The following CRACD variants were observed in gnomAD, a reference collection of about 807,000 sequenced individuals.
The protein encoded by CRACD is capping protein inhibiting regulator of actin dynamics.
In CRACD, 56 loss-of-function variants were observed where a neutral mutation model predicts 106.8. The ratio of observed to expected loss-of-function variants is 0.52; its 90% CI spans 0.42 to 0.66. The LOEUF is 0.66. CRACD is among the 30% of genes least tolerant of loss of function. The probability of loss-of-function intolerance (pLI) is 0.00; values close to 1 mark genes in which losing one functional copy is unlikely to be tolerated. For synonymous variants in CRACD, 754 were observed against 670.8 expected, an observed-to-expected ratio of 1.12 and a Z score of -1.92; for missense variants, 1,730 against 1,623.2, an observed-to-expected ratio of 1.07 and a Z score of -1.13.
At chr4:56,288,309 C>T (rs775718270) in intron 3 of CRACD, among the ~76,000 whole-genome samples, 1 of 151,928 alleles carries the variant, frequency 6.6e-6, no homozygotes, top group Non-Finnish European at 1.5e-5. Flanking sequence ...TTACGTGATG[C>T]TGAGGTTTGA....
At position 56,052,618 on chromosome 4, in the gene CRACD, T is replaced by C. The variant is rs540488890; in HGVS notation, c.-336+3319T>C. Among the ~76,000 whole-genome samples, 6 of 152,358 alleles carry C rather than the reference T, an allele frequency of 3.9e-5. No homozygotes were observed. The East Asian group carries it at 9.6e-4, about 24-fold the overall frequency. Reference sequence around the variant, plus strand: ...GTTACTGTGTGCTAAGTAGTCTATTTATATATGTTATCTAATTTAGTTCTC... The same window carrying C: ...GTTACTGTGTGCTAAGTAGTCTATTCATATATGTTATCTAATTTAGTTCTC... On this transcript the variant is annotated intron_variant, in intron 1 of 10. Coordinates refer to ENST00000682029, the MANE Select transcript of CRACD (RefSeq NM_001393381.1).
intron 1 of CRACD, among the ~76,000 whole-genome samples, chr4:56,166,700 A>G (rs1233812537): frequency 7.1e-6 from 1 of 140,276 alleles, no homozygotes; most frequent in Non-Finnish European, 1.6e-5. Flanking sequence ...AAACCATTTA[A>G]TGGAGTATTA....
chr4:56,250,256 C>T (rs958928715), intron 2 of CRACD, among the ~76,000 whole-genome samples: 2 of 152,042 alleles, frequency 1.3e-5, no homozygotes, highest in African/African-American at 4.8e-5. Context: ...CATACCCATT[C>T]ATTAATTTTA....
intron 1 of CRACD, among the ~76,000 whole-genome samples, chr4:56,085,142 A>G (rs1171548742): frequency 6.6e-6 from 1 of 152,164 alleles, no homozygotes; most frequent in Non-Finnish European, 1.5e-5. Flanking sequence ...ATTCTTTTCC[A>G]GGTGACAGAG....
intron 2 of CRACD, among the ~76,000 whole-genome samples, chr4:56,209,099 G>A (rs1238516613): frequency 6.6e-6 from 1 of 152,088 alleles, no homozygotes; most frequent in Non-Finnish European, 1.5e-5. Flanking sequence ...TTGCATTAGT[G>A]TATTATCAAT....
At chr4:56,092,334 C>T (rs141730467) in intron 1 of CRACD, among the ~76,000 whole-genome samples, 35 of 152,252 alleles carry the variant, frequency 2.3e-4, no homozygotes, top group South Asian at 2.3e-3. Context: ...GAGGAATAGT[C>T]CTTTTGCTTA....
chr4:56,319,263 A>C (rs956263296), intron 8 of CRACD, among the ~76,000 whole-genome samples: 2 of 152,124 alleles, frequency 1.3e-5, no homozygotes, highest in Non-Finnish European at 2.9e-5. Context: ...TGGCCTTTGA[A>C]TATATGGGCT....
intron 2 of CRACD, among the ~76,000 whole-genome samples, chr4:56,186,409 G>C (rs991405573): frequency 1.3e-5 from 2 of 152,118 alleles, no homozygotes; most frequent in Non-Finnish European, 2.9e-5. Context: ...GTTGTATACT[G>C]TACTATATGC....
intron 1 of CRACD, among the ~76,000 whole-genome samples, chr4:56,053,709 T>G (rs1206312841): frequency 6.6e-6 from 1 of 152,214 alleles, no homozygotes; most frequent in African/African-American, 2.4e-5. Context: ...TTTAACCATA[T>G]ATTTAAACAG....
chr4:56,106,115 C>A (rs954880659), intron 1 of CRACD, among the ~76,000 whole-genome samples: 4 of 152,086 alleles, frequency 2.6e-5, no homozygotes, highest in African/African-American at 9.7e-5. Flanking sequence ...AAGCATTTTG[C>A]TGGGCAGTGT....
chr4:56,131,444 G>A (rs949632172), intron 1 of CRACD, among the ~76,000 whole-genome samples: 4 of 152,092 alleles, frequency 2.6e-5, no homozygotes, highest in African/African-American at 7.2e-5. Flanking sequence ...TGCTGAAATC[G>A]TATATAGGCA....
chr4:56,195,698 A>C (rs565696671), intron 2 of CRACD, among the ~76,000 whole-genome samples: 1 of 152,338 alleles, frequency 6.6e-6, no homozygotes, highest in Non-Finnish European at 1.5e-5. Context: ...TTTTTCTAAT[A>C]AACAACCTCT....
chr4:56,264,073 G>A (rs1335260404), intron 2 of CRACD, among the ~76,000 whole-genome samples: 1 of 152,118 alleles, frequency 6.6e-6, no homozygotes, highest in African/African-American at 2.4e-5. Context: ...GGGGAAGCAG[G>A]CACATCTTCA....
At chr4:56,285,240 G>A (rs948236596) in intron 3 of CRACD, among the ~76,000 whole-genome samples, 8 of 152,062 alleles carry the variant, frequency 5.3e-5, no homozygotes, top group East Asian at 1.9e-4. Context: ...CCACCAGGCC[G>A]CCCCTCCAAT....
At chr4:56,115,331 C>A (rs982169903) in intron 1 of CRACD, among the ~76,000 whole-genome samples, 7 of 152,104 alleles carry the variant, frequency 4.6e-5, no homozygotes, top group Admixed American at 2.0e-4. Context: ...TTCTAAATCC[C>A]AGAATATCAA....
intron 3 of CRACD, among the ~76,000 whole-genome samples, chr4:56,295,919 G>C (rs1743997245): frequency 6.6e-6 from 1 of 151,866 alleles, no homozygotes; most frequent in Admixed American, 6.6e-5. Context: ...TTGAGGACAG[G>C]GAGATCATAA....
chr4:56,294,886 C>G (rs1743904206), intron 3 of CRACD, among the ~76,000 whole-genome samples: 1 of 130,710 alleles, frequency 7.7e-6, no homozygotes, highest in South Asian at 2.3e-4. Context: ...TGCACTCCAG[C>G]CTGGGTAGCA....
chr4:56,310,918 C>T, intron 6 of CRACD, 184 bp downstream of exon 6: 2 of 574,900 alleles, frequency 3.5e-6, no homozygotes, highest in Non-Finnish European at 6.2e-6. Flanking sequence ...CATGGCAAGG[C>T]AACTGCTGGA....
At chr4:56,128,451 ATAGT>A (rs1205816348) in intron 1 of CRACD, among the ~76,000 whole-genome samples, 8 of 152,144 alleles carry the variant, frequency 5.3e-5, no homozygotes, top group African/African-American at 1.9e-4. Flanking sequence ...GCCTTGTGTT[ATAGT>A]TAATTTGTGG....
Sources: gnomAD v4.1 joint callset for allele counts (sites outside exome capture counted in the v4.1 genomes callset) on GRCh38, gnomAD v4.1.1 for gene constraint, MANE v1.5 for transcripts, NCBI Gene and HGNC (gene_info 2026-07-23, HGNC 2026-07-21) for gene names.